PLD5: variants seen among roughly 807,000 people sequenced by gnomAD.
PLD5 encodes the protein phospholipase D family member 5.
In PLD5, 36 loss-of-function variants were observed where a neutral mutation model predicts 61.1. The ratio of observed to expected loss-of-function variants is 0.59; its 90% CI spans 0.45 to 0.78. The LOEUF (loss-of-function observed/expected upper bound fraction) is 0.78, where lower values mean the gene tolerates loss of function less well. PLD5 is among the 30% of genes least tolerant of loss of function. PLD5 has a pLI of 0.00. For synonymous variants in PLD5, 243 were observed against 242.8 expected, an observed-to-expected ratio of 1.00 and a Z score of -0.01; for missense variants, 515 against 644.4, an observed-to-expected ratio of 0.80 and a Z score of 2.17.
At chr1:242,290,576 C>A (rs1056269853) in intron 2 of PLD5, among the ~76,000 whole-genome samples, 6 of 151,908 alleles carry the variant, frequency 3.9e-5, no homozygotes, top group Non-Finnish European at 7.4e-5. Flanking sequence ...TCTGACAGCA[C>A]ACCTGTACGC....
In PLD5 at chr1:242,394,149, TGTATATATATGA is replaced by T. The variant is rs1458017416; in HGVS notation, c.190-45919_190-45908del. 1.4e-4 allele frequency among the ~76,000 whole-genome samples: 17 copies of T among 121,448 alleles called. 2 individuals are homozygous for T. The highest frequency in any genetic ancestry group is 3.8e-3 in the Middle Eastern group (1 of 262). 79.7% of individuals were successfully genotyped at this position (121,448 alleles called of 152,430 possible). ...GTGTATATATATGAGTATATATATG[TGTATATATATGA>T]GTATATATATGTGTATATATGAGTA... On this transcript the variant is annotated intron_variant, in intron 1 of 9. Transcript: ENST00000536534.
At chr1:242,406,041 A>G (rs1274247641) in intron 1 of PLD5, among the ~76,000 whole-genome samples, 1 of 152,060 alleles carries the variant, frequency 6.6e-6, no homozygotes, top group Non-Finnish European at 1.5e-5. Flanking sequence ...TCTTTTATTC[A>G]TCTCCCAAAA....
chr1:242,475,301 T>C (rs939986760), intron 1 of PLD5, among the ~76,000 whole-genome samples: 3 of 151,492 alleles, frequency 2.0e-5, no homozygotes, highest in Non-Finnish European at 4.4e-5. Flanking sequence ...CGGGCGCCTG[T>C]AGTCCCAGCT....
chr1:242,509,400 G>A (rs762979617), intron 1 of PLD5, among the ~76,000 whole-genome samples: 87 of 152,250 alleles, frequency 5.7e-4, no homozygotes, highest in Non-Finnish European at 8.5e-4. Flanking sequence ...AAATGCCATA[G>A]AGGGTAAATG....
intron 2 of PLD5, among the ~76,000 whole-genome samples, chr1:242,309,713 TCTC>T (rs1287592634): frequency 6.7e-6 from 1 of 149,912 alleles, no homozygotes; most frequent in African/African-American, 2.4e-5. Flanking sequence ...AGGAAATACT[TCTC>T]CTTCCAATTC....
chr1:242,380,352 G>T (rs1249465951), intron 1 of PLD5, among the ~76,000 whole-genome samples: 1 of 152,200 alleles, frequency 6.6e-6, no homozygotes, highest in East Asian at 1.9e-4. Context: ...TTTATGGCAC[G>T]ACAAGGTGTT....
intron 5 of PLD5, among the ~76,000 whole-genome samples, chr1:242,149,822 T>C (rs985333159): frequency 6.6e-6 from 1 of 151,684 alleles, no homozygotes; most frequent in Non-Finnish European, 1.5e-5. Context: ...TGTAGTGATG[T>C]CCCTTCTTGT....
intron 5 of PLD5, among the ~76,000 whole-genome samples, chr1:242,218,308 G>T (rs2149002357): frequency 6.6e-6 from 1 of 152,332 alleles, no homozygotes. Flanking sequence ...TTTACATAGT[G>T]CTACTGCACA....
intron 2 of PLD5, among the ~76,000 whole-genome samples, chr1:242,347,835 A>G (rs193229136): frequency 6.6e-6 from 1 of 152,292 alleles, no homozygotes; most frequent in Admixed American, 6.5e-5. Flanking sequence ...AACCTCATAT[A>G]CAGTGGTCTC....
At chr1:242,331,739 G>A (rs1240323122) in intron 2 of PLD5, among the ~76,000 whole-genome samples, 1 of 152,046 alleles carries the variant, frequency 6.6e-6, no homozygotes, top group African/African-American at 2.4e-5. Context: ...ATTAATCTCG[G>A]ACCAAAGTCC....
At chr1:242,255,808 T>C (rs980926837) in intron 4 of PLD5, among the ~76,000 whole-genome samples, 85 of 152,130 alleles carry the variant, frequency 5.6e-4, no homozygotes, top group African/African-American at 2.0e-3. Context: ...CTTTTTAAAA[T>C]AATGTAGCTA....
intron 3 of PLD5, among the ~76,000 whole-genome samples, chr1:242,279,376 C>T (rs1674588031): frequency 6.6e-6 from 1 of 152,106 alleles, no homozygotes; most frequent in African/African-American, 2.4e-5. Flanking sequence ...AGCCTGGGCC[C>T]CTCTCCAAAT....
intron 2 of PLD5, among the ~76,000 whole-genome samples, chr1:242,306,642 C>G (rs975457289): frequency 6.6e-6 from 1 of 152,034 alleles, no homozygotes; most frequent in Admixed American, 6.6e-5. Context: ...TGCCATTTAT[C>G]CAGAAATGAA....
intron 1 of PLD5, among the ~76,000 whole-genome samples, chr1:242,436,930 A>G (rs1572149678): frequency 6.6e-6 from 1 of 152,210 alleles, no homozygotes; most frequent in East Asian, 1.9e-4. Flanking sequence ...GCCTCTTGGA[A>G]TTATGGATTT....
intron 1 of PLD5, among the ~76,000 whole-genome samples, chr1:242,395,300 C>G (rs945336503): frequency 2.0e-5 from 3 of 152,010 alleles, no homozygotes; most frequent in Non-Finnish European, 2.9e-5. Context: ...TTCCCTTCCC[C>G]TACGAGGAAC....
intron 5 of PLD5, among the ~76,000 whole-genome samples, chr1:242,169,226 C>T (rs1199382821): frequency 6.6e-6 from 1 of 152,152 alleles, no homozygotes; most frequent in African/African-American, 2.4e-5. Context: ...TTCTGCATTT[C>T]CAACTGAGGT....
At chr1:242,235,584 C>T (rs1212424708) in intron 4 of PLD5, 6 of 152,168 alleles carry the variant, frequency 3.9e-5, no homozygotes, top group Non-Finnish European at 7.3e-5. Context: ...GGAGGGAAAG[C>T]ATGTGTCTGT....
At chr1:242,505,722 C>T (rs962176465) in intron 1 of PLD5, among the ~76,000 whole-genome samples, 4 of 152,194 alleles carry the variant, frequency 2.6e-5, no homozygotes, top group Non-Finnish European at 5.9e-5. Flanking sequence ...AACGGCAGAC[C>T]TCAAGTTGCC....
rs959702409 is a variant in PLD5 at position 242,084,761 on chromosome 1, T to C, written c.*5093A>G. ...CATTTATTGGAAAGGTTTTTTTTTT[T>C]TTTTTTTTTTTTTTTTTAGAGAAAG... On this transcript the variant is annotated 3_prime_UTR_variant, in exon 10 of 10. Coordinates refer to ENST00000536534, the MANE Select transcript of PLD5 (RefSeq NM_001372062.1). The C allele has an allele frequency of 2.7e-5, 4 of 146,272 alleles. No individual in the cohort carries two copies. Among genetic ancestry groups the C allele is most frequent in the Non-Finnish European group, 4.5e-5 (3 of 66,500 alleles). The allele number at this position is 146,272 out of a possible 1,614,324, so 9.1% of individuals were successfully genotyped here. A position where few individuals can be genotyped will look rare whatever the true frequency, so the allele number is the denominator to read the frequency against.
Sources: gnomAD v4.1 joint callset for allele counts (sites outside exome capture counted in the v4.1 genomes callset) on GRCh38, gnomAD v4.1.1 for gene constraint, MANE v1.5 for transcripts, NCBI Gene and HGNC (gene_info 2026-07-23, HGNC 2026-07-21) for gene names.